Variants in TRPS1 observed in about 807,000 individuals in gnomAD.
TRPS1 encodes the protein transcriptional repressor GATA binding 1, also known as zinc finger transcription factor Trps1.
A neutral mutation model predicts 101.2 loss-of-function variants in TRPS1; 6 were observed. The ratio of observed to expected loss-of-function variants is 0.06; its 90% CI spans 0.03 to 0.12. TRPS1 has a LOEUF of 0.12. Among genes scored for constraint, TRPS1 ranks in the 10% least tolerant of loss-of-function variants. The pLI is 1.00. For missense variants in TRPS1, 1,363 were observed against 1,567.0 expected (o/e 0.87, Z 2.20); for synonymous variants, 578 against 589.8 (o/e 0.98, Z 0.29).
At position 115,413,905 on chromosome 8, in the gene TRPS1, G is replaced by T; in HGVS notation, c.*118C>A. On this transcript the variant is annotated 3_prime_UTR_variant, in exon 7 of 7. Transcript: ENST00000395715. ...GAATAACAAAAGAAGGGAATTTCAT[G>T]TTGGATAAGGCAGGCTCTATGAAGT... 1 of 988,806 alleles carries T rather than the reference G, an allele frequency of 1.0e-6. No individual in the cohort carries two copies. Among genetic ancestry groups the T allele is most frequent in the Non-Finnish European group, 1.5e-6 (1 of 679,876 alleles). The allele number at this position is 988,806 out of a possible 1,614,324, so 61.3% of individuals were successfully genotyped here.
chr8:115,496,014 C>T (rs1292614791), intron 5 of TRPS1, among the ~76,000 whole-genome samples: 1 of 152,030 alleles, frequency 6.6e-6, no homozygotes, highest in Non-Finnish European at 1.5e-5. Context: ...CTCGTTCTAC[C>T]ACTAGAACCC....
chr8:115,508,587 G>A (rs1044555862), intron 5 of TRPS1, among the ~76,000 whole-genome samples: 7 of 151,946 alleles, frequency 4.6e-5, no homozygotes, highest in South Asian at 2.1e-4. Flanking sequence ...GGCCTCCGTG[G>A]AGTCTTCTAA....
rs1459432091 is a variant in TRPS1 at position 115,441,896 on chromosome 8, A to AGTGTGT, written c.2701-23445_2701-23444insACACAC. On this transcript the variant is annotated intron_variant, in intron 5 of 6. Coordinates refer to ENST00000395715, the MANE Select transcript of TRPS1 (RefSeq NM_014112.5). ...GAGAGAGAGAGAGAGAGAGAGAGAG[A>AGTGTGT]GAGTGTGTGTGTGTGTGTGTGTGTG... is the stretch of plus-strand genomic sequence containing the variant. 4.5e-3 allele frequency among the ~76,000 whole-genome samples: 603 copies of AGTGTGT among 133,198 alleles called. 3 individuals carry two copies. The highest frequency in any genetic ancestry group is 8.4e-3 in the Middle Eastern group (2 of 238). The allele number at this position is 133,198 out of a possible 152,430, so 87.4% of individuals were successfully genotyped here. A position where few individuals can be genotyped will look rare whatever the true frequency, so the allele number is the denominator to read the frequency against.
intron 5 of TRPS1, among the ~76,000 whole-genome samples, chr8:115,428,724 G>A (rs926896870): frequency 6.6e-6 from 1 of 152,058 alleles, no homozygotes; most frequent in African/African-American, 2.4e-5. Flanking sequence ...GAAACACGGG[G>A]AATGGGGCAG....
intron 5 of TRPS1, among the ~76,000 whole-genome samples, chr8:115,457,038 A>T (rs572657181): frequency 6.6e-6 from 1 of 152,290 alleles, no homozygotes; most frequent in Admixed American, 6.5e-5. Context: ...TTTTTTGTTT[A>T]TAGTCAAGTG....
intron 5 of TRPS1, among the ~76,000 whole-genome samples, chr8:115,508,875 C>T (rs1815510791): frequency 6.6e-6 from 1 of 151,892 alleles, no homozygotes; most frequent in Non-Finnish European, 1.5e-5. Context: ...CCTGGGGGTA[C>T]TTAAGACTTT....
intron 5 of TRPS1, among the ~76,000 whole-genome samples, chr8:115,478,951 A>G (rs1458380696): frequency 6.7e-6 from 1 of 149,198 alleles, no homozygotes; most frequent in African/African-American, 2.4e-5. Context: ...ATAAATGTAT[A>G]CATGTATATA....
At chr8:115,445,590 C>T (rs1480626329) in intron 5 of TRPS1, among the ~76,000 whole-genome samples, 5 of 152,084 alleles carry the variant, frequency 3.3e-5, no homozygotes, top group Admixed American at 6.5e-5. Context: ...TTCGGAGAGG[C>T]AGGAAACTAT....
chr8:115,655,310 A>G (rs564976400), intron 1 of TRPS1, among the ~76,000 whole-genome samples: 22 of 152,288 alleles, frequency 1.4e-4, no homozygotes, highest in African/African-American at 4.8e-4. Context: ...TCCTTGGCCA[A>G]GGTCTATTTC....
At chr8:115,486,420 T>C (rs1255401985) in intron 5 of TRPS1, among the ~76,000 whole-genome samples, 1 of 152,182 alleles carries the variant, frequency 6.6e-6, no homozygotes, top group African/African-American at 2.4e-5. Flanking sequence ...AGCCTTTAAG[T>C]GTTCAAGTGA....
At chr8:115,608,056 G>A (rs983986293) in intron 3 of TRPS1, among the ~76,000 whole-genome samples, 4 of 152,050 alleles carry the variant, frequency 2.6e-5, no homozygotes, top group Non-Finnish European at 5.9e-5. Flanking sequence ...GAAACTTATT[G>A]TCTGGAAACA....
chr8:115,603,424 T>C (rs1022724361), intron 4 of TRPS1, among the ~76,000 whole-genome samples: 2 of 152,102 alleles, frequency 1.3e-5, no homozygotes, highest in African/African-American at 2.4e-5. Flanking sequence ...CATTTTAAAA[T>C]AAAAATGAGC....
At chr8:115,645,795 T>C (rs1819011730) in intron 1 of TRPS1, among the ~76,000 whole-genome samples, 1 of 152,102 alleles carries the variant, frequency 6.6e-6, no homozygotes, top group African/African-American at 2.4e-5. Context: ...GCAAAAATAC[T>C]TCTTGCAAGT....
At chr8:115,561,195 CA>C (rs1816937124) in intron 5 of TRPS1, among the ~76,000 whole-genome samples, 2 of 152,244 alleles carry the variant, frequency 1.3e-5, no homozygotes, top group South Asian at 4.1e-4. Context: ...TTGCATTTGA[CA>C]TTTACAAATC....
In TRPS1 at chr8:115,593,225, G is replaced by A. The variant is rs527855078; in HGVS notation, c.2097-5621C>T. Among the ~76,000 whole-genome samples, 9 of 152,268 alleles carry A rather than the reference G, an allele frequency of 5.9e-5. No homozygotes were observed. The South Asian group carries it at 1.7e-3, about 28-fold the overall frequency. On this transcript the variant is annotated intron_variant, in intron 4 of 6. Coordinates refer to ENST00000395715, the MANE Select transcript of TRPS1 (RefSeq NM_014112.5). ...TAAAATAAACTACAAGCACAAAATTGTCAGGAATAATCCCAATTCATTTTT... is the reference window on the plus strand; with the variant it reads ...TAAAATAAACTACAAGCACAAAATTATCAGGAATAATCCCAATTCATTTTT...
intron 5 of TRPS1, among the ~76,000 whole-genome samples, chr8:115,453,883 T>C (rs1341804626): frequency 6.6e-6 from 1 of 152,196 alleles, no homozygotes; most frequent in African/African-American, 2.4e-5. Context: ...CTTGAAGCCT[T>C]TGGATGAGAG....
intron 4 of TRPS1, among the ~76,000 whole-genome samples, chr8:115,600,923 TA>T (rs1320903378): frequency 1.3e-5 from 2 of 152,124 alleles, no homozygotes; most frequent in Admixed American, 1.3e-4. Flanking sequence ...TAGTCTGAGT[TA>T]GGGGTATTAT....
At chr8:115,470,045 T>G (rs1365062341) in intron 5 of TRPS1, among the ~76,000 whole-genome samples, 1 of 152,204 alleles carries the variant, frequency 6.6e-6, no homozygotes, top group Non-Finnish European at 1.5e-5. Flanking sequence ...AGGACAGGGT[T>G]TTAAAGGACA....
Position 115,418,648 on chromosome 8 carries a change from T to A in TRPS1, c.2701-196A>T, listed in dbSNP as rs1234371326. On this transcript the variant is annotated intron_variant, in intron 5 of 6. Transcript: ENST00000395715. This position sits in a 1 kb window ranked among gnomAD's most constrained non-coding sequence, Gnocchi z 4.3. ...TTATAATTAACCCTACAGTGATGGATGAGGTGTGTGGAACACCAAAGGCTT... is the reference window on the plus strand; with the variant it reads ...TTATAATTAACCCTACAGTGATGGAAGAGGTGTGTGGAACACCAAAGGCTT... 1.3e-5 allele frequency among the ~76,000 whole-genome samples: 2 copies of A among 152,208 alleles called. No homozygotes were observed. The highest frequency in any genetic ancestry group is 4.8e-5 in the African/African-American group (2 of 41,438).
Sources: allele counts gnomAD v4.1 joint callset (sites outside exome capture counted in the v4.1 genomes callset), GRCh38; gene constraint gnomAD v4.1.1; non-coding constraint Gnocchi (gnomAD v3.1); transcripts MANE v1.5; gene names NCBI Gene and HGNC (gene_info 2026-07-23, HGNC 2026-07-21).